The following TMEFF1 variants were observed in gnomAD, a reference collection of about 807,000 sequenced individuals.
The protein encoded by TMEFF1 is tomoregulin-1.
In TMEFF1, 20 loss-of-function variants were observed where a neutral mutation model predicts 47.5. The ratio of observed to expected loss-of-function variants is 0.42; its 90% CI spans 0.30 to 0.61. The LOEUF (loss-of-function observed/expected upper bound fraction) is 0.61, where lower values mean the gene tolerates loss of function less well. Among genes scored for constraint, TMEFF1 ranks in the 20% least tolerant of loss-of-function variants. The pLI is 0.19. For synonymous variants in TMEFF1, 162 were observed against 166.3 expected (o/e 0.97, Z 0.20); for missense variants, 411 against 471.1 (o/e 0.87, Z 1.18).
chr9:100,553,523 G>T (rs939989795), intron 7 of TMEFF1, among the ~76,000 whole-genome samples: 1 of 152,180 alleles, frequency 6.6e-6, no homozygotes, highest in Non-Finnish European at 1.5e-5. Flanking sequence ...TTAGAGAAGA[G>T]TGCTTGTGAA....
intron 5 of TMEFF1, among the ~76,000 whole-genome samples, chr9:100,534,795 C>CAA (rs1315190472): frequency 6.6e-6 from 1 of 152,104 alleles, no homozygotes; most frequent in African/African-American, 2.4e-5. Context: ...TAAACAAAGC[C>CAA]ACTTGTTAAA....
chr9:100,473,852 G>A lies in TMEFF1; in HGVS notation c.196+112G>A, dbSNP rs1837168262. ...AGACCCCGTCGTGGGGGTCCCAGGGGTGGGCCCGAGGGTGAGCGAGGGCGG... is the reference window on the plus strand; with the variant it reads ...AGACCCCGTCGTGGGGGTCCCAGGGATGGGCCCGAGGGTGAGCGAGGGCGG... On this transcript the variant is annotated intron_variant, in intron 1 of 9. Transcript: ENST00000374879. This position sits in a 1 kb window ranked among gnomAD's most constrained non-coding sequence, Gnocchi z 5.4. 1.6e-6 allele frequency: 2 copies of A among 1,284,824 alleles called. No homozygotes were observed. The highest frequency in any genetic ancestry group is 2.0e-6 in the Non-Finnish European group (2 of 989,564). 79.6% of individuals were successfully genotyped at this position (1,284,824 alleles called of 1,614,324 possible). A position where few individuals can be genotyped will look rare whatever the true frequency, so the allele number is the denominator to read the frequency against.
intron 5 of TMEFF1, among the ~76,000 whole-genome samples, chr9:100,519,215 C>T (rs1838120103): frequency 6.6e-6 from 1 of 152,006 alleles, no homozygotes; most frequent in South Asian, 2.1e-4. Context: ...CAAGACCATC[C>T]TGACCAACAT....
chr9:100,493,602 A>G (rs765617929), intron 1 of TMEFF1, among the ~76,000 whole-genome samples: 2 of 152,186 alleles, frequency 1.3e-5, no homozygotes, highest in Non-Finnish European at 2.9e-5. Flanking sequence ...AGAGCAAAAT[A>G]TTTTGTTCTG....
intron 6 of TMEFF1, among the ~76,000 whole-genome samples, chr9:100,549,594 C>T (rs1324086845): frequency 6.6e-6 from 1 of 152,170 alleles, no homozygotes; most frequent in African/African-American, 2.4e-5. Context: ...GAAGCTTGTG[C>T]TTCTAAACAC....
intron 2 of TMEFF1, among the ~76,000 whole-genome samples, chr9:100,508,651 G>T: frequency 6.6e-6 from 1 of 150,490 alleles, no homozygotes; most frequent in African/African-American, 2.4e-5. Context: ...TTTATGATTA[G>T]GTTTGAATGA....
intron 6 of TMEFF1, among the ~76,000 whole-genome samples, chr9:100,548,098 G>T (rs1036395655): frequency 6.7e-6 from 1 of 150,138 alleles, no homozygotes; most frequent in African/African-American, 2.4e-5. Context: ...CATGCTTCTT[G>T]GTTTTTTATT....
chr9:100,511,995 A>G (rs1837976568), intron 3 of TMEFF1, among the ~76,000 whole-genome samples: 1 of 152,236 alleles, frequency 6.6e-6, no homozygotes, highest in Non-Finnish European at 1.5e-5. Context: ...ATGGTTTGAA[A>G]AAAAGATTGG....
rs779530314 is a variant in TMEFF1 at position 100,536,551 on chromosome 9, G to A, written c.561-11193G>A. Among the ~76,000 whole-genome samples, 107 of 152,148 alleles carry A rather than the reference G, an allele frequency of 7.0e-4. 1 individual carries two copies. Among genetic ancestry groups the A allele is most frequent in the Non-Finnish European group, 1.2e-3 (80 of 68,036 alleles). On this transcript the variant is annotated intron_variant, in intron 5 of 9. Coordinates refer to ENST00000374879, the MANE Select transcript of TMEFF1 (RefSeq NM_003692.5). ...ATAAAAAGCATTGTCACTAATTTTG[G>A]TAATGGGCAAGCCATGATCTTTGAG...
rs79914999 is a variant in TMEFF1, at chr9:100,565,044, G to A, written c.899+3524G>A. 5.9e-4 allele frequency among the ~76,000 whole-genome samples: 90 copies of A among 152,134 alleles called. 1 individual carries two copies. The highest frequency in any genetic ancestry group is 2.0e-3 in the African/African-American group (82 of 41,474). ...GGGAAGAGGGAGAAGGTTTGAGGGG[G>A]AATGATATATTCAGTTTGACGTGCT... is the stretch of plus-strand genomic sequence containing the variant. On this transcript the variant is annotated intron_variant, in intron 8 of 9. Coordinates refer to ENST00000374879, the MANE Select transcript of TMEFF1 (RefSeq NM_003692.5).
intron 3 of TMEFF1, among the ~76,000 whole-genome samples, chr9:100,510,619 G>A (rs1205354296): frequency 1.3e-5 from 2 of 152,024 alleles, no homozygotes; most frequent in African/African-American, 2.4e-5. Flanking sequence ...ACAGACACAT[G>A]CCAACATGCC....
chr9:100,508,639 T>C (rs1439946475), intron 2 of TMEFF1, among the ~76,000 whole-genome samples: 10 of 152,014 alleles, frequency 6.6e-5, no homozygotes, highest in Admixed American at 2.6e-4. Flanking sequence ...TTTTTTTCTA[T>C]TTTTATGATT....
intron 5 of TMEFF1, among the ~76,000 whole-genome samples, chr9:100,540,775 TG>T (rs1369384177): frequency 2.0e-5 from 3 of 152,248 alleles, no homozygotes; most frequent in African/African-American, 7.2e-5. Context: ...TTCGTGAGTG[TG>T]GATGGTATCT....
intron 1 of TMEFF1, among the ~76,000 whole-genome samples, chr9:100,493,189 A>G (rs548149501): frequency 1.3e-5 from 2 of 152,080 alleles, no homozygotes; most frequent in Admixed American, 6.6e-5. Flanking sequence ...TTGCTAAACA[A>G]CCTCCAGTGT....
chr9:100,575,331 A>G (rs1445226468), intron 9 of TMEFF1, among the ~76,000 whole-genome samples: 2 of 152,108 alleles, frequency 1.3e-5, no homozygotes, highest in African/African-American at 4.8e-5. Flanking sequence ...TCATAGAATG[A>G]CAGATTGTCA....
intron 1 of TMEFF1, among the ~76,000 whole-genome samples, chr9:100,477,918 C>T (rs35315430): frequency 0.026 from 4,023 of 152,208 alleles, 67 homozygotes; most frequent in Middle Eastern, 0.034. Flanking sequence ...TGAGCCACTG[C>T]GCCCGGCCTG....
At chr9:100,497,318 G>GTGTTTTTTTTTTTTTT (rs1328828062) in intron 1 of TMEFF1, among the ~76,000 whole-genome samples, 2 of 84,880 alleles carry the variant, frequency 2.4e-5, no homozygotes, top group Non-Finnish European at 4.8e-5. Context: ...TTCCACTCAT[G>GTGTTTTTTTTTTTTTT]TCTTTTTTTT....
chr9:100,524,847 T>C (rs777594983), intron 5 of TMEFF1, among the ~76,000 whole-genome samples: 4 of 152,182 alleles, frequency 2.6e-5, no homozygotes, highest in Non-Finnish European at 5.9e-5. Flanking sequence ...ACCCATCAAC[T>C]TGTCATTTAC....
At chr9:100,484,373 A>G (rs1362520592) in intron 1 of TMEFF1, among the ~76,000 whole-genome samples, 1 of 150,492 alleles carries the variant, frequency 6.6e-6, no homozygotes, top group African/African-American at 2.5e-5. Context: ...GCTGGAGTGC[A>G]ATGGTGCGAT....
Sources: allele counts gnomAD v4.1 joint callset (sites outside exome capture counted in the v4.1 genomes callset), GRCh38; gene constraint gnomAD v4.1.1; non-coding constraint Gnocchi (gnomAD v3.1); transcripts MANE v1.5; gene names NCBI Gene and HGNC (gene_info 2026-07-23, HGNC 2026-07-21).